LDLRAD3: variants seen among roughly 807,000 people sequenced by gnomAD.
The protein encoded by LDLRAD3 is low density lipoprotein receptor class A domain containing 3.
LDLRAD3 carries 20 observed loss-of-function variants against 29.4 expected under a neutral mutation model. The ratio of observed to expected loss-of-function variants is 0.68; its 90% CI spans 0.48 to 0.99. The LOEUF (loss-of-function observed/expected upper bound fraction) is 0.99, where lower values mean the gene tolerates loss of function less well. Among genes scored for constraint, LDLRAD3 ranks in the 50% least tolerant of loss-of-function variants. The pLI, the probability that LDLRAD3 is intolerant of heterozygous loss-of-function variation, is 0.00. For missense variants in LDLRAD3, 420 were observed against 454.3 expected (o/e 0.92, Z 0.69); for synonymous variants, 157 against 192.7 (o/e 0.81, Z 1.53).
intron 1 of LDLRAD3, chr11:36,010,148 C>T (rs146564407): frequency 7.2e-4 from 111 of 154,476 alleles, no homozygotes; most frequent in African/African-American, 2.6e-3. Flanking sequence ...TTGCTTGCCC[C>T]TTGCTCCAAT....
chr11:36,074,783 CT>C (rs1852968737), intron 2 of LDLRAD3, among the ~76,000 whole-genome samples: 1 of 152,146 alleles, frequency 6.6e-6, no homozygotes. Context: ...TTGAACCTGT[CT>C]GGAAGGACAC....
At chr11:36,056,736 G>A (rs952796390) in intron 2 of LDLRAD3, among the ~76,000 whole-genome samples, 1 of 152,162 alleles carries the variant, frequency 6.6e-6, no homozygotes, top group African/African-American at 2.4e-5. Context: ...GAACCTTGAA[G>A]GAGATTTCTT....
intron 4 of LDLRAD3, among the ~76,000 whole-genome samples, chr11:36,186,648 T>C (rs1854853388): frequency 6.6e-6 from 1 of 152,156 alleles, no homozygotes; most frequent in Non-Finnish European, 1.5e-5. Context: ...GAAGACTAGA[T>C]AGCACTACCA....
At chr11:36,032,627 C>T (rs960662168) in intron 1 of LDLRAD3, among the ~76,000 whole-genome samples, 1 of 152,162 alleles carries the variant, frequency 6.6e-6, no homozygotes, top group Non-Finnish European at 1.5e-5. Context: ...TCTCTGGACT[C>T]TGCCCATTAG....
rs77027237 is a variant in LDLRAD3, at chr11:36,113,072, A to G, written c.454+14611A>G. 6.8e-3 allele frequency among the ~76,000 whole-genome samples: 1,035 copies of G among 152,310 alleles called. 8 individuals carry two copies. The highest frequency in any genetic ancestry group is 0.023 in the African/African-American group (956 of 41,558). ...ACAGGGAAAAGGTTCAGAAAGACAG[A>G]TATGTGCACATCTTTTGAGGGACTT... is the stretch of plus-strand genomic sequence containing the variant. On this transcript the variant is annotated intron_variant, in intron 4 of 5. Transcript: ENST00000315571.
At chr11:36,010,113 C>G (rs1350572515) in intron 1 of LDLRAD3, 1 of 154,370 alleles carries the variant, frequency 6.5e-6, no homozygotes, top group African/African-American at 2.4e-5. Flanking sequence ...GGGTAGCTCT[C>G]TGTATTGCTT....
intron 1 of LDLRAD3, among the ~76,000 whole-genome samples, chr11:35,998,720 C>T (rs760292164): frequency 6.6e-5 from 10 of 152,098 alleles, no homozygotes; most frequent in Admixed American, 2.0e-4. Flanking sequence ...CCTCTGGATT[C>T]GGAGTAGTAA....
chr11:36,221,374 A>AAG (rs1472053556), intron 4 of LDLRAD3, among the ~76,000 whole-genome samples: 1 of 151,832 alleles, frequency 6.6e-6, no homozygotes, highest in Admixed American at 6.6e-5. Flanking sequence ...TCTCAAAAAA[A>AAG]AAAAAGAGGT....
At chr11:36,089,684 T>C (rs1422214488) in intron 3 of LDLRAD3, among the ~76,000 whole-genome samples, 1 of 152,152 alleles carries the variant, frequency 6.6e-6, no homozygotes, top group Non-Finnish European at 1.5e-5. Flanking sequence ...CATTGTACCT[T>C]AGACACCTGG....
At chr11:36,176,974 A>G (rs1359795326) in intron 4 of LDLRAD3, among the ~76,000 whole-genome samples, 1 of 152,236 alleles carries the variant, frequency 6.6e-6, no homozygotes, top group East Asian at 1.9e-4. Context: ...GTGGTTTAAC[A>G]TAATCCCAAA....
chr11:36,203,898 A>T (rs11828824), intron 4 of LDLRAD3, among the ~76,000 whole-genome samples: 41,728 of 151,914 alleles, frequency 0.27, 5,726 homozygotes, highest in South Asian at 0.31. Context: ...ACTTTCTGGA[A>T]TAGTGTGTGA....
intron 4 of LDLRAD3, among the ~76,000 whole-genome samples, chr11:36,192,231 G>T (rs1123562): frequency 1.3e-5 from 2 of 152,128 alleles, no homozygotes; most frequent in Non-Finnish European, 2.9e-5. Context: ...GTCTGTGACA[G>T]TACTTGCACT....
In LDLRAD3 at chr11:36,114,267, T is replaced by A. The variant is rs12361093; in HGVS notation, c.454+15806T>A. Among the ~76,000 whole-genome samples the A allele has an allele frequency of 5.3e-4, 80 of 152,160 alleles. 1 individual carries two copies. The highest frequency in any genetic ancestry group is 6.9e-4 in the Non-Finnish European group (47 of 67,998). ...AACTCTCAGTCCATGCTGTCCCTCC[T>A]TGGGCTCACTCAAGTGAAATGGGTC... On this transcript the variant is annotated intron_variant, in intron 4 of 5. Transcript: ENST00000315571.
chr11:36,195,215 C>T (rs973350636), intron 4 of LDLRAD3, among the ~76,000 whole-genome samples: 1 of 152,122 alleles, frequency 6.6e-6, no homozygotes, highest in Admixed American at 6.5e-5. Context: ...TTAGTAGTAA[C>T]AGTAGGAGTA....
At chr11:36,061,784 A>G (rs942998244) in intron 2 of LDLRAD3, among the ~76,000 whole-genome samples, 5 of 152,206 alleles carry the variant, frequency 3.3e-5, no homozygotes, top group African/African-American at 9.7e-5. Flanking sequence ...TTTTATTACT[A>G]TGGCAACTGG....
rs539878597 is a variant in LDLRAD3, at chr11:36,077,661, T to C, written c.194-3992T>C. ...CCAGGCATACCTTAAGCAGCTTCCA[T>C]GGCTGACACTGGGGAATGCAGTGTG... On this transcript the variant is annotated intron_variant, in intron 2 of 5. Coordinates refer to ENST00000315571, the MANE Select transcript of LDLRAD3 (RefSeq NM_174902.4). Among the ~76,000 whole-genome samples, 9 of 152,324 alleles carry C rather than the reference T, an allele frequency of 5.9e-5. No individual in the cohort carries two copies. In the South Asian group the frequency reaches 1.9e-3, roughly 32 times the overall value.
At chr11:36,087,794 C>T (rs1853217856) in intron 3 of LDLRAD3, among the ~76,000 whole-genome samples, 1 of 151,972 alleles carries the variant, frequency 6.6e-6, no homozygotes, top group East Asian at 1.9e-4. Context: ...TCACTGCAGC[C>T]TTGACTTCCC....
intron 4 of LDLRAD3, among the ~76,000 whole-genome samples, chr11:36,122,088 C>T (rs557312168): frequency 2.6e-5 from 4 of 152,298 alleles, no homozygotes; most frequent in Admixed American, 2.0e-4. Context: ...AACCCACACT[C>T]TTGTGACCTC....
intron 2 of LDLRAD3, among the ~76,000 whole-genome samples, chr11:36,063,267 T>G (rs1852734796): frequency 6.6e-6 from 1 of 152,236 alleles, no homozygotes; most frequent in Non-Finnish European, 1.5e-5. Context: ...GTCACCAGTC[T>G]TCTTAGATCT....
Sources: gnomAD v4.1 joint callset for allele counts (sites outside exome capture counted in the v4.1 genomes callset) on GRCh38, gnomAD v4.1.1 for gene constraint, MANE v1.5 for transcripts, NCBI Gene and HGNC (gene_info 2026-07-23, HGNC 2026-07-21) for gene names.